Variants in DRD3 observed in about 807,000 individuals in gnomAD.
The protein encoded by DRD3 is dopamine receptor D3.
DRD3 carries 19 observed loss-of-function variants against 36.3 expected under a neutral mutation model. The ratio of observed to expected loss-of-function variants is 0.52; its 90% confidence interval spans 0.36 to 0.77. The LOEUF is 0.77. DRD3 is among the 30% of genes least tolerant of loss of function. DRD3 has a pLI of 0.00. For synonymous variants in DRD3, 195 were observed against 203.7 expected, an observed-to-expected ratio of 0.96 and a Z score of 0.36; for missense variants, 465 against 505.3, an observed-to-expected ratio of 0.92 and a Z score of 0.77.
Position 114,133,954 on chromosome 3 carries a change from A to C in DRD3, c.724-2554T>G, listed in dbSNP as rs1320405614. Among the ~76,000 whole-genome samples the C allele has an allele frequency of 3.9e-5, 6 of 152,118 alleles. No homozygotes were observed. The East Asian group carries it at 1.2e-3, about 29-fold the overall frequency. On this transcript the variant is annotated intron_variant, in intron 5 of 6. Coordinates refer to ENST00000383673, the MANE Select transcript of DRD3 (RefSeq NM_000796.6). The stretch of plus-strand genomic sequence containing the variant: ...ACTTGTGAAGCAGGGAGACTTCAGA[A>C]CTCCTCTAGTAGTGGTGGCATTCAA...
intron 4 of DRD3, among the ~76,000 whole-genome samples, chr3:114,141,974 A>G (rs2077528391): frequency 6.9e-6 from 1 of 144,148 alleles, no homozygotes; most frequent in Non-Finnish European, 1.5e-5. Context: ...GCTTGAACCC[A>G]GGAGGCAGAG....
intron 2 of DRD3, among the ~76,000 whole-genome samples, chr3:114,168,964 C>A (rs1399107576): frequency 6.6e-6 from 1 of 151,038 alleles, no homozygotes; most frequent in African/African-American, 2.4e-5. Flanking sequence ...GTGTTCTTCT[C>A]ATGTACATCT....
upstream of DRD3, among the ~76,000 whole-genome samples, chr3:114,183,325 C>T (rs2077958140): frequency 6.6e-6 from 1 of 152,168 alleles, no homozygotes; most frequent in Non-Finnish European, 1.5e-5. Flanking sequence ...TCTATTGAGA[C>T]ACAATTTGTG....
intron 5 of DRD3, among the ~76,000 whole-genome samples, chr3:114,135,072 C>T (rs549473068): frequency 6.6e-6 from 1 of 152,254 alleles, no homozygotes; most frequent in South Asian, 2.1e-4. Flanking sequence ...CTCTCTTTCT[C>T]GCCCCCTCCC....
In DRD3 at chr3:114,128,460, T is replaced by G. The variant is rs1270737198; in HGVS notation, c.*256A>C. On this transcript the variant is annotated 3_prime_UTR_variant, in exon 7 of 7. Coordinates refer to ENST00000383673, the MANE Select transcript of DRD3 (RefSeq NM_000796.6). ...TTGTGTGAGTCATGTTTTATCAGCT[T>G]CTTTCTGAATTATTGCTTATCACTT... 6.6e-6 allele frequency among the ~76,000 whole-genome samples: 1 copy of G among 152,206 alleles called. No homozygotes were observed. The highest frequency in any genetic ancestry group is 1.5e-5 in the Non-Finnish European group (1 of 68,030).
intron 5 of DRD3, among the ~76,000 whole-genome samples, chr3:114,136,801 C>T (rs867385512): frequency 1.3e-5 from 2 of 152,318 alleles, no homozygotes; most frequent in African/African-American, 2.4e-5. Context: ...GCTAGCTGGG[C>T]GAGGCAGGCC....
intron 1 of DRD3, among the ~76,000 whole-genome samples, chr3:114,177,570 G>T (rs1253565132): frequency 6.6e-6 from 1 of 152,160 alleles, no homozygotes; most frequent in Non-Finnish European, 1.5e-5. Context: ...CAATGCATTA[G>T]AAATTGAATC....
chr3:114,167,593 TCCCTGTGGGCC>T (rs1444580663), intron 2 of DRD3, among the ~76,000 whole-genome samples: 1 of 152,162 alleles, frequency 6.6e-6, no homozygotes, highest in Non-Finnish European at 1.5e-5. Flanking sequence ...CAGTGACTGG[TCCCTGTGGGCC>T]CCCTTATATA....
intron 2 of DRD3, among the ~76,000 whole-genome samples, chr3:114,164,840 C>T (rs1285434367): frequency 6.6e-6 from 1 of 152,218 alleles, no homozygotes; most frequent in Non-Finnish European, 1.5e-5. Context: ...CAATCTCCAC[C>T]TCCCGGGTTC....
At chr3:114,147,642 G>A in intron 3 of DRD3, 85 bp from the exon 4 acceptor site, 1 of 1,509,266 alleles carries the variant, frequency 6.6e-7, no homozygotes, top group Non-Finnish European at 9.0e-7. Context: ...TGTTGTTTTT[G>A]GAGACAGGGT....
rs1341878157 is a variant in DRD3, at chr3:114,188,139, A to G, written c.-155-9363T>C. Among the ~76,000 whole-genome samples the G allele has an allele frequency of 3.3e-5, 5 of 151,924 alleles. No individual in the cohort carries two copies. The South Asian group carries it at 6.2e-4, about 19-fold the overall frequency. ...TGAATGAAATGATAAAGAGTTTATT[A>G]TCTCACATAAAAAATCCAGAGGCAG... is the stretch of plus-strand genomic sequence containing the variant. On this transcript the variant is annotated intron_variant, in intron 1 of 7. Coordinates refer to the DRD3 transcript ENST00000460779.
intron 2 of DRD3, among the ~76,000 whole-genome samples, chr3:114,161,915 C>A (rs1000592173): frequency 6.6e-6 from 1 of 152,136 alleles, no homozygotes. Context: ...TAAAAAAACA[C>A]TTTTTGGCAT....
Position 114,139,693 on chromosome 3 carries a change from T to A in DRD3, c.530A>T (p.Asp177Val). 6.2e-7 allele frequency: 1 copy of A among 1,613,504 alleles called. No homozygotes were observed. The highest frequency in any genetic ancestry group is 8.5e-7 in the Non-Finnish European group (1 of 1,179,760). ...GTTGGAGATGGAGCAGACAGTGGGG[T>A]CCCCTGTGGATGAGAAGGGGGAAGG... ...PLLFGFNTTGDPTVCSISNPD... is the reference protein window; with the variant it reads ...PLLFGFNTTGVPTVCSISNPD... Residue 177 changes from aspartate (D) to valine (V), a missense_variant, in exon 5 of 7, where the codon GAC (aspartate) becomes GTC (valine). By Grantham distance (152) the Asp-to-Val change is radical. Transcript: ENST00000383673.
At chr3:114,129,009 C>T in intron 6 of DRD3, 97 bp from the exon 7 acceptor site, 1 of 1,327,234 alleles carries the variant, frequency 7.5e-7, no homozygotes. Flanking sequence ...TTATGCCAGC[C>T]ACTAAGCTGG....
intron 3 of DRD3, among the ~76,000 whole-genome samples, chr3:114,158,322 C>G (rs2077701994): frequency 6.6e-6 from 1 of 151,710 alleles, no homozygotes; most frequent in Non-Finnish European, 1.5e-5. Context: ...GAATTACACA[C>G]TTTGAGTGGA....
chr3:114,165,876 T>C (rs912124806), intron 2 of DRD3, among the ~76,000 whole-genome samples: 7 of 152,104 alleles, frequency 4.6e-5, no homozygotes, highest in African/African-American at 1.4e-4. Context: ...GATGACTAGC[T>C]GGTTGCACAA....
chr3:114,165,787 T>G (rs2077777288), intron 2 of DRD3, among the ~76,000 whole-genome samples: 1 of 151,982 alleles, frequency 6.6e-6, no homozygotes. Flanking sequence ...AAATAAGGAT[T>G]TTTCACTTCT....
chr3:114,156,477 T>C (rs953988128), intron 3 of DRD3, among the ~76,000 whole-genome samples: 1 of 152,166 alleles, frequency 6.6e-6, no homozygotes. Context: ...CCGTTTTTTT[T>C]TTCAAAATTT....
At chr3:114,166,560 C>T (rs112017155) in intron 2 of DRD3, among the ~76,000 whole-genome samples, 1 of 152,160 alleles carries the variant, frequency 6.6e-6, no homozygotes. Flanking sequence ...AAGGCCCTTC[C>T]CAGATGGAGG....
Sources: allele counts gnomAD v4.1 joint callset (sites outside exome capture counted in the v4.1 genomes callset), GRCh38; gene constraint gnomAD v4.1.1; transcripts MANE v1.5; gene names NCBI Gene and HGNC (gene_info 2026-07-23, HGNC 2026-07-21).